The following TTYH2 variants were observed in gnomAD, a reference collection of about 807,000 sequenced individuals.
The protein encoded by TTYH2 is tweety family member 2, also known as protein tweety homolog 2.
TTYH2 carries 49 observed loss-of-function variants against 68.3 expected under a neutral mutation model. The observed-to-expected ratio is 0.72, with a 90% confidence interval of 0.57 to 0.91. The LOEUF (loss-of-function observed/expected upper bound fraction) is 0.91. TTYH2 is among the 40% of genes least tolerant of loss of function. TTYH2 has a pLI of 0.00. For synonymous variants in TTYH2, 272 were observed against 300.8 expected (o/e 0.90, Z 0.99); for missense variants, 631 against 700.4 (o/e 0.90, Z 1.12).
rs189803661 is a variant in TTYH2, at chr17:74,236,831, G to A, written c.415-463G>A. ...TTCAGTCCTTCCTCCAGGGGCACAG[G>A]CTCGAGATCTTCAGGCCTGGGGCAG... On this transcript the variant is annotated intron_variant, in intron 3 of 13. Transcript: ENST00000269346. Among the ~76,000 whole-genome samples, 160 of 152,178 alleles carry A rather than the reference G, an allele frequency of 1.1e-3. 1 individual carries two copies. Among genetic ancestry groups the A allele is most frequent in the South Asian group, 9.7e-3 (47 of 4,826 alleles).
At chr17:74,248,770 T>C (rs896583292) in intron 6 of TTYH2, 5 of 1,404,722 alleles carry the variant, frequency 3.6e-6, no homozygotes, top group Admixed American at 2.9e-5. Context: ...GTGAATAGCA[T>C]TATCATCTCC....
Position 74,222,468 on chromosome 17 carries a change from C to G in TTYH2, c.130-17C>G. On this transcript the variant is annotated splice_polypyrimidine_tract_variant and intron_variant, in intron 1 of 13. Coordinates refer to ENST00000269346, the MANE Select transcript of TTYH2 (RefSeq NM_032646.6). The surrounding 1 kb of genome is among the most constrained non-coding windows in gnomAD (Gnocchi z 5.2). ...TGCAGGGATGAAGAGTGACAACAGG[C>G]CTCTGCTCTCTTCCAGTCGCTGCTG... is the stretch of plus-strand genomic sequence containing the variant. 6.2e-7 allele frequency: 1 copy of G among 1,601,428 alleles called. No homozygotes were observed. Among genetic ancestry groups the G allele is most frequent in the African/African-American group, 1.3e-5 (1 of 75,012 alleles).
chr17:74,231,621 G>T (rs2050390780), intron 3 of TTYH2, among the ~76,000 whole-genome samples: 1 of 151,792 alleles, frequency 6.6e-6, no homozygotes, highest in Non-Finnish European at 1.5e-5. Context: ...AGGTTGCAGT[G>T]AGCCAAGATC....
chr17:74,218,831 A>T (rs2050246755), intron 1 of TTYH2, among the ~76,000 whole-genome samples: 3 of 152,186 alleles, frequency 2.0e-5, no homozygotes, highest in Admixed American at 2.0e-4. Flanking sequence ...TGATAGTGGG[A>T]CTGTTCAGGA....
intron 2 of TTYH2, among the ~76,000 whole-genome samples, chr17:74,229,368 A>C (rs2050364098): frequency 6.6e-6 from 1 of 152,124 alleles, no homozygotes; most frequent in Admixed American, 6.5e-5. Flanking sequence ...ACAGTCTCCC[A>C]ACTTTTGGAG....
intron 2 of TTYH2, among the ~76,000 whole-genome samples, chr17:74,227,140 A>T (rs973332163): frequency 6.6e-6 from 1 of 152,026 alleles, no homozygotes; most frequent in Non-Finnish European, 1.5e-5. Flanking sequence ...ATGCCCCGCT[A>T]ATTTTTTTAT....
chr17:74,252,165 G>C, intron 10 of TTYH2, 69 bp from the exon 11 acceptor site: 1 of 1,589,756 alleles, frequency 6.3e-7, no homozygotes, highest in Non-Finnish European at 8.5e-7. Context: ...GGGACTTCCA[G>C]AGGAGAGCTC....
At chr17:74,240,128 C>G (rs1053596673) in intron 4 of TTYH2, among the ~76,000 whole-genome samples, 1 of 152,146 alleles carries the variant, frequency 6.6e-6, no homozygotes, top group Non-Finnish European at 1.5e-5. Flanking sequence ...TGAGTCCATC[C>G]CCAACTCCCC....
intron 2 of TTYH2, among the ~76,000 whole-genome samples, chr17:74,223,292 CGGGG>C (rs61001030): frequency 0.06 from 7,076 of 118,828 alleles, 613 homozygotes; most frequent in African/African-American, 0.23. Flanking sequence ...TTTTGGGGGG[CGGGG>C]GGTGGGCGGG....
At position 74,214,607 on chromosome 17, in the gene TTYH2, G is replaced by A. The variant is rs1005628816; in HGVS notation, c.129+891G>A. ...GGGCCAGGGCTCCCCAGACCTCCCT[G>A]CCCAGACAAACAAAGCTGCAGAATC... is the stretch of plus-strand genomic sequence containing the variant. On this transcript the variant is annotated intron_variant, in intron 1 of 13. Transcript: ENST00000269346. This position sits in a 1 kb window ranked among gnomAD's most constrained non-coding sequence, Gnocchi z 4.6. Among the ~76,000 whole-genome samples, 2 of 152,170 alleles carry A rather than the reference G, an allele frequency of 1.3e-5. No individual in the cohort carries two copies. The highest frequency in any genetic ancestry group is 4.8e-5 in the African/African-American group (2 of 41,444).
At chr17:74,256,300 C>T (rs1396884839) in intron 13 of TTYH2, among the ~76,000 whole-genome samples, 1 of 152,110 alleles carries the variant, frequency 6.6e-6, no homozygotes, top group Admixed American at 6.6e-5. Context: ...TTTTCATTAC[C>T]ACGCTTGGAG....
intron 10 of TTYH2, 103 bp from the exon 11 acceptor site, chr17:74,252,131 C>A (rs1270851530): frequency 3.4e-6 from 5 of 1,486,896 alleles, no homozygotes; most frequent in Non-Finnish European, 4.6e-6. Flanking sequence ...AGCCAGGAGA[C>A]CCCAGGTCCA....
Position 74,249,895 on chromosome 17 carries a change from AGACGGAGCCTCACTGTGGGGCTG to A in TTYH2, c.931-40_931-18del. On this transcript the variant is annotated intron_variant, in intron 8 of 13. Coordinates refer to ENST00000269346, the MANE Select transcript of TTYH2 (RefSeq NM_032646.6). ...GGAGCCTCACTGTGGGGCTCCTGGG[AGACGGAGCCTCACTGTGGGGCTG>A]TGTCTTTCCTGGCTCAGACCCTGAC... 2 of 966,084 alleles carry A rather than the reference AGACGGAGCCTCACTGTGGGGCTG, an allele frequency of 2.1e-6. No homozygotes were observed. Among genetic ancestry groups the A allele is most frequent in the East Asian group, 6.2e-5 (1 of 16,102 alleles). 59.8% of individuals were successfully genotyped at this position (966,084 alleles called of 1,614,324 possible).
chr17:74,228,882 T>A (rs774185231), intron 2 of TTYH2, among the ~76,000 whole-genome samples: 1 of 152,312 alleles, frequency 6.6e-6, no homozygotes, highest in South Asian at 2.1e-4. Flanking sequence ...AGTGATGGCA[T>A]GGGCAAGGGT....
In TTYH2 at chr17:74,215,077, TC is replaced by T. The variant is rs768048622; in HGVS notation, c.129+1364del. Among the ~76,000 whole-genome samples the T allele has an allele frequency of 4.2e-4, 64 of 151,956 alleles. 2 individuals carry two copies. Among genetic ancestry groups the T allele is most frequent in the Middle Eastern group, 3.4e-3 (1 of 294 alleles). On this transcript the variant is annotated intron_variant, in intron 1 of 13. Coordinates refer to ENST00000269346, the MANE Select transcript of TTYH2 (RefSeq NM_032646.6). This position sits in a 1 kb window ranked among gnomAD's most constrained non-coding sequence, Gnocchi z 4.3. ...GAGCCCAGCCTGTGGGAGTCTGTGTTCCCTGAGAATGTGGCTGCCTGGGGAT... is the reference window on the plus strand; with the variant it reads ...GAGCCCAGCCTGTGGGAGTCTGTGTTCCTGAGAATGTGGCTGCCTGGGGAT...
At chr17:74,254,755 G>A (rs1432610708) in intron 13 of TTYH2, among the ~76,000 whole-genome samples, 1 of 152,252 alleles carries the variant, frequency 6.6e-6, no homozygotes, top group Non-Finnish European at 1.5e-5. Flanking sequence ...TGCAAGAAGA[G>A]AGGGGGTCTC....
intron 11 of TTYH2, 32 bp downstream of exon 11, chr17:74,252,408 A>G: frequency 6.2e-7 from 1 of 1,607,596 alleles, no homozygotes. Context: ...GGAGCCTCCC[A>G]CAGCCTGGAG....
intron 6 of TTYH2, 70 bp from the exon 7 acceptor site, chr17:74,248,941 G>T: frequency 6.2e-7 from 1 of 1,606,476 alleles, no homozygotes; most frequent in Admixed American, 1.7e-5. Context: ...ATGGGCTCCC[G>T]GCTCCTCCCA....
chr17:74,217,553 A>G lies in TTYH2; in HGVS notation c.129+3837A>G, dbSNP rs2050232945. Reference sequence around the variant, plus strand: ...AGGTTGGGATGAGGAAGCCCCATTCATCCAGTGTGAAATTGAGTCACGGTC... The same window carrying G: ...AGGTTGGGATGAGGAAGCCCCATTCGTCCAGTGTGAAATTGAGTCACGGTC... On this transcript the variant is annotated intron_variant, in intron 1 of 13. Coordinates refer to ENST00000269346, the MANE Select transcript of TTYH2 (RefSeq NM_032646.6). The surrounding 1 kb of genome is among the most constrained non-coding windows in gnomAD (Gnocchi z 4.0). Among the ~76,000 whole-genome samples, 1 of 152,166 alleles carries G rather than the reference A, an allele frequency of 6.6e-6. No homozygotes were observed. The highest frequency in any genetic ancestry group is 1.9e-4 in the East Asian group (1 of 5,180).
Sources: allele counts gnomAD v4.1 joint callset (sites outside exome capture counted in the v4.1 genomes callset), GRCh38; gene constraint gnomAD v4.1.1; non-coding constraint Gnocchi (gnomAD v3.1); transcripts MANE v1.5; gene names NCBI Gene and HGNC (gene_info 2026-07-23, HGNC 2026-07-21).